Variants in IBSP observed in about 807,000 individuals in gnomAD.
The protein encoded by IBSP is integrin-binding sialoprotein.
In IBSP, 19 loss-of-function variants were observed where a neutral mutation model predicts 25.5. That is an observed-to-expected ratio of 0.74 (90% CI 0.52 to 1.09). The LOEUF (loss-of-function observed/expected upper bound fraction) is 1.09, where lower values mean the gene tolerates loss of function less well. Ranked by LOEUF, IBSP falls within the 50% of genes least tolerant of loss-of-function variation. The probability of loss-of-function intolerance (pLI) is 0.00; values close to 1 mark genes in which losing one functional copy is unlikely to be tolerated. For missense variants in IBSP, 360 were observed against 382.3 expected (o/e 0.94, Z 0.49); for synonymous variants, 144 against 137.6 (o/e 1.05, Z -0.33).
chr4:87,804,689 T>A (rs962163512), intron 4 of IBSP, among the ~76,000 whole-genome samples: 1 of 152,146 alleles, frequency 6.6e-6, no homozygotes. Flanking sequence ...GGAGAATCAA[T>A]TGGACTTAGC....
rs200500818 is a variant in IBSP at position 87,802,517 on chromosome 4, T to C, written c.64T>C (p.Leu22=). 1,147 of 1,605,024 alleles carry C rather than the reference T, an allele frequency of 7.1e-4. No individual in the cohort carries two copies. The highest frequency in any genetic ancestry group is 8.3e-4 in the Non-Finnish European group (980 of 1,176,650). The part of the protein sequence containing the change: ...GMACAFSMKN[L]HRRVKIEDSE... The stretch of plus-strand genomic sequence containing the variant: ...ATGTTCTTTAAAACAGATGAAAAAT[T>C]TGCATCGAAGAGTCAAAATAGAGGA... Residue 22 remains leucine (L), a synonymous_variant, in exon 3 of 7, where the codon TTG becomes CTG. Transcript: ENST00000226284.
chr4:87,810,425 G>C (rs1722154646), intron 5 of IBSP, among the ~76,000 whole-genome samples, 181 bp from the exon 6 acceptor site: 2 of 152,170 alleles, frequency 1.3e-5, no homozygotes, highest in South Asian at 4.1e-4. Flanking sequence ...ACTTGGAGTT[G>C]AGCTCTTGGA....
Position 87,811,550 on chromosome 4 carries a change from A to C in IBSP, c.594A>C (p.Gly198=). 1 of 1,613,910 alleles carries C rather than the reference A, an allele frequency of 6.2e-7. No homozygotes were observed. Among genetic ancestry groups the C allele is most frequent in the Non-Finnish European group, 8.5e-7 (1 of 1,179,944 alleles). Residue 198 remains glycine, a synonymous_variant, in exon 7 of 7, where the codon GGA becomes GGC. Transcript: ENST00000226284. ...ACGGCAGCAGCGGAGGAGACAATGG[A>C]GAAGAAGGGGAAGAAGAAAGTGTCA... ...NGNGSSGGDN[G]EEGEEESVTG...
chr4:87,802,300 G>T, intron 1 of IBSP, 48 bp from the exon 2 acceptor site: 1 of 1,150,112 alleles, frequency 8.7e-7, no homozygotes. Context: ...AAAAAGTTAT[G>T]CTCTTAGTTT....
At chr4:87,803,990 TA>T (rs1157110548) in intron 4 of IBSP, among the ~76,000 whole-genome samples, 1 of 152,180 alleles carries the variant, frequency 6.6e-6, no homozygotes, top group African/African-American at 2.4e-5. Flanking sequence ...ATGGGCCCAT[TA>T]AAATGTCCAT....
chr4:87,800,554 G>A (rs760463367), intron 1 of IBSP, among the ~76,000 whole-genome samples: 20 of 152,124 alleles, frequency 1.3e-4, no homozygotes, highest in Non-Finnish European at 2.2e-4. Flanking sequence ...AGACCACCCC[G>A]ATAGAAATCA....
intron 4 of IBSP, among the ~76,000 whole-genome samples, chr4:87,805,603 T>C (rs950135951): frequency 2.0e-5 from 3 of 152,198 alleles, no homozygotes; most frequent in Non-Finnish European, 4.4e-5. Flanking sequence ...TAACAACTTT[T>C]ATAGTAAGCT....
At chr4:87,808,173 C>T (rs947908712) in intron 5 of IBSP, among the ~76,000 whole-genome samples, 1 of 151,678 alleles carries the variant, frequency 6.6e-6, no homozygotes, top group Admixed American at 6.6e-5. Context: ...TATTTAGTCT[C>T]ATAAAATAAA....
Position 87,806,135 on chromosome 4 carries a change from C to T in IBSP, c.197C>T (p.Ser66Leu), listed in dbSNP as rs1302656408. The change falls in exon 5 of 7, where the codon TCA becomes TTA. Residue 66 changes from serine to leucine, a missense_variant. Ser to Leu is a moderately radical substitution (Grantham distance 145, BLOSUM62 -2). Transcript: ENST00000226284. Reference protein sequence around the residue: ...KRFPVQGSSDSSEENGDDSSE... With the variant: ...KRFPVQGSSDLSEENGDDSSE... ...ATATATTTTTAGGGCAGTAGTGACT[C>T]ATCCGAAGAAAATGGAGATGACAGT... The T allele has an allele frequency of 2.5e-6, 4 of 1,611,362 alleles. No individual in the cohort carries two copies. The highest frequency in any genetic ancestry group is 2.2e-5 in the East Asian group (1 of 44,676).
chr4:87,812,155 A>G lies in IBSP; in HGVS notation c.*245A>G, dbSNP rs1315236734. On this transcript the variant is annotated 3_prime_UTR_variant, in exon 7 of 7. Transcript: ENST00000226284. ...ATCAAGCAGTACACCAACTCATAAG[A>G]TCAAATTTCATTGAATGGTTTGAGG... 2.6e-6 allele frequency: 1 copy of G among 392,022 alleles called. No homozygotes were observed. The highest frequency in any genetic ancestry group is 3.9e-5 in the East Asian group (1 of 25,754). 24.3% of individuals were successfully genotyped at this position (392,022 alleles called of 1,614,324 possible). A position where few individuals can be genotyped will look rare whatever the true frequency, so the allele number is the denominator to read the frequency against.
Position 87,802,385 on chromosome 4 carries a change from C to T in IBSP, c.24C>T (p.Leu8=). 11 of 1,610,672 alleles carry T rather than the reference C, an allele frequency of 6.8e-6. No individual in the cohort carries two copies. Among genetic ancestry groups the T allele is most frequent in the Non-Finnish European group, 9.3e-6 (11 of 1,178,606 alleles). The part of the protein sequence containing the change: MKTALIL[L]SILGMACAFS... ...AAATGAAGACTGCTTTAATTTTGCT[C>T]AGCATTTTGGGAATGGCCTGTGCTT... Residue 8 remains leucine, a synonymous_variant, in exon 2 of 7, where the codon CTC becomes CTT. Transcript: ENST00000226284.
chr4:87,805,518 T>C (rs1473399917), intron 4 of IBSP, among the ~76,000 whole-genome samples: 5 of 152,200 alleles, frequency 3.3e-5, no homozygotes, highest in Admixed American at 3.3e-4. Flanking sequence ...AAAAATTATA[T>C]GCAAATTAAA....
chr4:87,801,769 T>C (rs1433960857), intron 1 of IBSP, among the ~76,000 whole-genome samples: 1 of 152,092 alleles, frequency 6.6e-6, no homozygotes, highest in East Asian at 1.9e-4. Flanking sequence ...CTCGAGTAAC[T>C]AGGCCTACTG....
At chr4:87,802,993 G>A (rs1253496690) in intron 4 of IBSP, among the ~76,000 whole-genome samples, 7 of 152,160 alleles carry the variant, frequency 4.6e-5, no homozygotes, top group Admixed American at 4.6e-4. Flanking sequence ...GTAGCACATT[G>A]AGCTCTGGTA....
chr4:87,808,948 A>G (rs567290935), intron 5 of IBSP, among the ~76,000 whole-genome samples: 1 of 152,308 alleles, frequency 6.6e-6, no homozygotes, highest in South Asian at 2.1e-4. Context: ...TCATTTCTCG[A>G]GGCCATTTCA....
intron 1 of IBSP, among the ~76,000 whole-genome samples, chr4:87,801,415 G>C (rs2110055573): frequency 6.6e-6 from 1 of 151,860 alleles, no homozygotes; most frequent in East Asian, 1.9e-4. Flanking sequence ...CATGATGTCA[G>C]TGTGATATTT....
chr4:87,806,049 C>A, intron 4 of IBSP, 73 bp from the exon 5 acceptor site: 1 of 1,113,218 alleles, frequency 9.0e-7, no homozygotes, highest in Non-Finnish European at 1.3e-6. Context: ...ATTCAATTAG[C>A]AGGAAATTTA....
chr4:87,803,022 C>A (rs914080248), intron 4 of IBSP, among the ~76,000 whole-genome samples: 1 of 152,138 alleles, frequency 6.6e-6, no homozygotes, highest in Admixed American at 6.6e-5. Context: ...AACTCACAGA[C>A]AAAAGTGGAC....
In IBSP at chr4:87,811,664, A is replaced by G. The variant is rs150945690; in HGVS notation, c.708A>G (p.Glu236=). Residue 236 remains glutamate (E), a synonymous_variant, in exon 7 of 7, where the codon GAA becomes GAG. Transcript: ENST00000226284. ...KTTTSPNGGF[E]PTTPPQVYRT... ...CAACCTCTCCAAATGGTGGGTTTGA[A>G]CCTACAACCCCACCACAAGTCTATA... The G allele has an allele frequency of 2.5e-4, 401 of 1,613,832 alleles. No individual in the cohort carries two copies. Among genetic ancestry groups the G allele is most frequent in the Non-Finnish European group, 3.2e-4 (379 of 1,179,998 alleles).
Sources: allele counts gnomAD v4.1 joint callset (sites outside exome capture counted in the v4.1 genomes callset), GRCh38; gene constraint gnomAD v4.1.1; transcripts MANE v1.5; gene names NCBI Gene and HGNC (gene_info 2026-07-23, HGNC 2026-07-21).